Variants in KIAA1217 observed in about 807,000 individuals in gnomAD.
The protein encoded by KIAA1217 is sickle tail protein homolog.
Under a neutral mutation model 163.9 loss-of-function variants are expected in KIAA1217, and 88 were observed. That is an observed-to-expected ratio of 0.54 (90% CI 0.45 to 0.64). The LOEUF is 0.64. Among genes scored for constraint, KIAA1217 ranks in the 30% least tolerant of loss-of-function variants. KIAA1217 has a pLI of 0.00. For missense variants in KIAA1217, 2,372 were observed against 2,475.0 expected (o/e 0.96, Z 0.88); for synonymous variants, 903 against 923.1 (o/e 0.98, Z 0.39).
At chr10:23,776,518 CTATAGA>C (rs1029166598) in intron 1 of KIAA1217, among the ~76,000 whole-genome samples, 1 of 150,904 alleles carries the variant, frequency 6.6e-6, no homozygotes, top group African/African-American at 2.4e-5. Flanking sequence ...GCATATTTGG[CTATAGA>C]TATTATCTAA....
At chr10:24,437,966 A>G (rs2131966579) in intron 4 of KIAA1217, among the ~76,000 whole-genome samples, 1 of 151,008 alleles carries the variant, frequency 6.6e-6, no homozygotes. Flanking sequence ...TTCATTAGAT[A>G]AGCAGCAAAC....
chr10:24,123,657 G>A (rs954668933), intron 2 of KIAA1217, among the ~76,000 whole-genome samples: 7 of 152,064 alleles, frequency 4.6e-5, no homozygotes, highest in African/African-American at 1.2e-4. Context: ...TAAAATTACC[G>A]ATGCTTAAGT....
intron 2 of KIAA1217, chr10:24,275,707 C>G (rs1223742789): frequency 5.7e-6 from 3 of 525,428 alleles, no homozygotes; most frequent in Non-Finnish European, 1.2e-5. Context: ...TGGTTTGGTG[C>G]AAAAGTAATT....
At chr10:24,303,187 A>C (rs1284152390) in intron 2 of KIAA1217, among the ~76,000 whole-genome samples, 1 of 151,656 alleles carries the variant, frequency 6.6e-6, no homozygotes, top group Non-Finnish European at 1.5e-5. Context: ...TTAATTTTTA[A>C]ATTTTTTTTT....
chr10:23,866,799 C>G (rs1840208089), intron 1 of KIAA1217, among the ~76,000 whole-genome samples: 1 of 151,944 alleles, frequency 6.6e-6, no homozygotes. Context: ...TTATAGAGCT[C>G]TTCTCTTTGG....
intron 1 of KIAA1217, among the ~76,000 whole-genome samples, chr10:23,799,121 T>C (rs1349169930): frequency 1.3e-5 from 2 of 152,164 alleles, no homozygotes; most frequent in Non-Finnish European, 2.9e-5. Flanking sequence ...CATCTTCTCA[T>C]GGTGTTCTCC....
intron 1 of KIAA1217, among the ~76,000 whole-genome samples, chr10:23,920,680 A>T (rs1470104823): frequency 2.0e-5 from 3 of 152,146 alleles, no homozygotes; most frequent in African/African-American, 7.2e-5. Context: ...AGTGACAGGG[A>T]CTTCTCTGTC....
At chr10:23,736,240 C>A (rs756452577) in intron 1 of KIAA1217, among the ~76,000 whole-genome samples, 1 of 152,070 alleles carries the variant, frequency 6.6e-6, no homozygotes, top group Non-Finnish European at 1.5e-5. Flanking sequence ...AGGTTTTGAC[C>A]TTTTGCTCAA....
At chr10:24,518,456 T>C (rs1368546151) in intron 10 of KIAA1217, among the ~76,000 whole-genome samples, 2 of 152,172 alleles carry the variant, frequency 1.3e-5, no homozygotes, top group African/African-American at 2.4e-5. Context: ...AAGAGGCATA[T>C]TGTATAGAAG....
chr10:24,520,675 T>TATATACAC (rs1411092462), intron 11 of KIAA1217, among the ~76,000 whole-genome samples: 186 of 77,094 alleles, frequency 2.4e-3, no homozygotes, highest in Non-Finnish European at 3.2e-3. Context: ...TATATATATA[T>TATATACAC]ACACACACAC....
intron 2 of KIAA1217, among the ~76,000 whole-genome samples, chr10:24,228,843 A>G (rs546158720): frequency 1.3e-5 from 2 of 152,316 alleles, no homozygotes; most frequent in African/African-American, 4.8e-5. Context: ...TATCTGTACA[A>G]TGACGTCATT....
intron 1 of KIAA1217, among the ~76,000 whole-genome samples, chr10:24,209,945 C>T (rs114360259): frequency 0.013 from 1,952 of 152,156 alleles, 32 homozygotes; most frequent in South Asian, 0.034. Context: ...TATGTTGTTC[C>T]AAAGAAATTT....
At chr10:23,703,057 C>T (rs1836585189) in intron 1 of KIAA1217, among the ~76,000 whole-genome samples, 1 of 152,016 alleles carries the variant, frequency 6.6e-6, no homozygotes, top group Non-Finnish European at 1.5e-5. Context: ...AAAGTGTGAC[C>T]AGCCCTCCCC....
chr10:24,477,856 T>C (rs2064214149), intron 6 of KIAA1217, among the ~76,000 whole-genome samples: 1 of 152,214 alleles, frequency 6.6e-6, no homozygotes, highest in African/African-American at 2.4e-5. Context: ...CATTGTCTCA[T>C]CTATACCATG....
chr10:24,351,105 G>A (rs2048404498), intron 2 of KIAA1217, among the ~76,000 whole-genome samples: 1 of 151,932 alleles, frequency 6.6e-6, no homozygotes, highest in Admixed American at 6.6e-5. Context: ...GCGACCATAC[G>A]CAGAGCTAAT....
At chr10:24,205,576 A>G (rs768454087), upstream of KIAA1217, among the ~76,000 whole-genome samples, 2 of 152,040 alleles carry the variant, frequency 1.3e-5, no homozygotes, top group South Asian at 2.1e-4. Flanking sequence ...GATCGAGACC[A>G]TTCTGACTAA....
At chr10:24,312,257 A>C (rs1211025820) in intron 2 of KIAA1217, among the ~76,000 whole-genome samples, 2 of 151,754 alleles carry the variant, frequency 1.3e-5, no homozygotes, top group Non-Finnish European at 2.9e-5. Context: ...CGGAAGCCTC[A>C]ATGTGTTTTT....
At position 24,415,227 on chromosome 10, in the gene KIAA1217, G is replaced by T. The variant is rs149902194; in HGVS notation, c.554-17768G>T. On this transcript the variant is annotated intron_variant, in intron 3 of 20. Transcript: ENST00000376454. ...CCTCCCAGGTTCAAGCGATTCTCCTGCCTCAGCCTCCTGAATAGCTGGGAT... is the reference window on the plus strand; with the variant it reads ...CCTCCCAGGTTCAAGCGATTCTCCTTCCTCAGCCTCCTGAATAGCTGGGAT... Among the ~76,000 whole-genome samples the T allele has an allele frequency of 2.2e-3, 327 of 150,250 alleles. 1 individual carries two copies. The highest frequency in any genetic ancestry group is 7.8e-3 in the African/African-American group (316 of 40,738).
intron 3 of KIAA1217, among the ~76,000 whole-genome samples, chr10:24,401,346 A>G (rs2056505642): frequency 6.6e-6 from 1 of 152,186 alleles, no homozygotes; most frequent in African/African-American, 2.4e-5. Context: ...TCCTTAATAC[A>G]TTATAAGCAA....
Sources: gnomAD v4.1 joint callset for allele counts (sites outside exome capture counted in the v4.1 genomes callset) on GRCh38, gnomAD v4.1.1 for gene constraint, MANE v1.5 for transcripts, NCBI Gene and HGNC (gene_info 2026-07-23, HGNC 2026-07-21) for gene names.